The following ROR1 variants were observed in gnomAD, a reference collection of about 807,000 sequenced individuals.
ROR1 encodes inactive tyrosine-protein kinase transmembrane receptor ROR1.
ROR1 carries 19 observed loss-of-function variants against 78.8 expected under a neutral mutation model. The ratio of observed to expected loss-of-function variants is 0.24; its 90% confidence interval spans 0.17 to 0.35. The LOEUF (loss-of-function observed/expected upper bound fraction) is 0.35, where lower values mean the gene tolerates loss of function less well. ROR1 is among the 10% of genes least tolerant of loss of function. The pLI is 1.00. For missense variants in ROR1, 917 were observed against 1,177.8 expected (o/e 0.78, Z 3.24); for synonymous variants, 386 against 433.6 (o/e 0.89, Z 1.36).
intron 1 of ROR1, among the ~76,000 whole-genome samples, chr1:63,948,012 C>T (rs1052322234): frequency 2.6e-5 from 4 of 152,118 alleles, no homozygotes; most frequent in Non-Finnish European, 5.9e-5. Flanking sequence ...GTCAGTAACA[C>T]TGCATTGGGT....
intron 8 of ROR1, among the ~76,000 whole-genome samples, chr1:64,172,420 AT>A (rs35947372): frequency 2.0e-5 from 3 of 152,184 alleles, no homozygotes; most frequent in African/African-American, 7.2e-5. Flanking sequence ...ATTTTATATA[AT>A]TTTTTAAAGG....
chr1:64,115,612 G>GTATATA (rs143560709), intron 4 of ROR1, among the ~76,000 whole-genome samples: 18,446 of 148,574 alleles, frequency 0.12, 1,279 homozygotes, highest in Middle Eastern at 0.16. Flanking sequence ...ATATATATGT[G>GTATATA]TATATATATA....
intron 1 of ROR1, among the ~76,000 whole-genome samples, chr1:63,784,709 G>A (rs981694428): frequency 2.6e-5 from 4 of 152,166 alleles, no homozygotes; most frequent in African/African-American, 4.8e-5. Flanking sequence ...CTTTCCTCAC[G>A]TGTAAAATGG....
intron 1 of ROR1, among the ~76,000 whole-genome samples, chr1:63,802,625 G>A (rs1449676965): frequency 6.6e-6 from 1 of 152,118 alleles, no homozygotes; most frequent in Non-Finnish European, 1.5e-5. Context: ...CTCTCTTCTC[G>A]ATTGCCTCTT....
chr1:63,855,366 C>T (rs1216742330), intron 1 of ROR1, among the ~76,000 whole-genome samples: 1 of 152,084 alleles, frequency 6.6e-6, no homozygotes, highest in Non-Finnish European at 1.5e-5. Flanking sequence ...TTCTTGGAGG[C>T]AAGGGCAATT....
intron 1 of ROR1, among the ~76,000 whole-genome samples, chr1:63,922,486 C>T (rs986353134): frequency 3.9e-5 from 6 of 152,166 alleles, no homozygotes; most frequent in African/African-American, 1.2e-4. Flanking sequence ...AGGTAGATAG[C>T]ATGAGTTTAT....
At position 64,104,356 on chromosome 1, in the gene ROR1, C is replaced by A. The variant is rs114418423; in HGVS notation, c.483-33013C>A. Among the ~76,000 whole-genome samples, 1,505 of 152,122 alleles carry A rather than the reference C, an allele frequency of 9.9e-3. 20 individuals are homozygous for A. Among genetic ancestry groups the A allele is most frequent in the Non-Finnish European group, 0.016 (1,067 of 67,994 alleles). ...TATCATTATTATTTTTACTTAAAGC[C>A]ATGTGTGACAGGACTTTGCAAGGAG... On this transcript the variant is annotated intron_variant, in intron 4 of 8. Coordinates refer to ENST00000371079, the MANE Select transcript of ROR1 (RefSeq NM_005012.4).
At chr1:63,994,545 A>G (rs1330153089) in intron 1 of ROR1, among the ~76,000 whole-genome samples, 2 of 152,212 alleles carry the variant, frequency 1.3e-5, no homozygotes, top group Admixed American at 1.3e-4. Flanking sequence ...AGCAGGTCAG[A>G]AAAAATGCAG....
At chr1:63,820,103 A>G (rs1471955300) in intron 1 of ROR1, among the ~76,000 whole-genome samples, 1 of 152,244 alleles carries the variant, frequency 6.6e-6, no homozygotes, top group African/African-American at 2.4e-5. Context: ...ATTGTTCAGT[A>G]AAATGTCATT....
intron 4 of ROR1, among the ~76,000 whole-genome samples, chr1:64,122,902 G>C (rs928494907): frequency 1.3e-5 from 2 of 152,086 alleles, no homozygotes; most frequent in African/African-American, 2.4e-5. Flanking sequence ...CTGATGCTCC[G>C]GGTGAAGTTG....
chr1:64,083,886 G>T (rs528741059), intron 4 of ROR1, among the ~76,000 whole-genome samples: 1 of 152,310 alleles, frequency 6.6e-6, no homozygotes, highest in South Asian at 2.1e-4. Context: ...AATGGCTGGT[G>T]AGCATACTGT....
intron 1 of ROR1, among the ~76,000 whole-genome samples, chr1:63,968,788 C>A (rs192099702): frequency 6.6e-6 from 1 of 152,280 alleles, no homozygotes; most frequent in East Asian, 1.9e-4. Flanking sequence ...GAGAAGGTCA[C>A]CCTGTAAACT....
Position 63,774,613 on chromosome 1 carries a change from C to CAG in ROR1, c.91+105_91+106insAG. ...ACACGCAGGAAGCGCCGCGCTGGCT[C>CAG]CGGGGCGCGTCCGGCCACCCGCCAC... is the stretch of plus-strand genomic sequence containing the variant. On this transcript the variant is annotated intron_variant, in intron 1 of 8. Transcript: ENST00000371079. The surrounding 1 kb of genome is among the most constrained non-coding windows in gnomAD (Gnocchi z 5.7). The CAG allele has an allele frequency of 1.8e-6, 1 of 565,324 alleles. No homozygotes were observed. Among genetic ancestry groups the CAG allele is most frequent in the Non-Finnish European group, 2.3e-6 (1 of 441,396 alleles). The allele number at this position is 565,324 out of a possible 1,614,324, so 35.0% of individuals were successfully genotyped here.
chr1:64,011,657 A>AGACT (rs1349464367), intron 2 of ROR1, among the ~76,000 whole-genome samples: 1 of 152,190 alleles, frequency 6.6e-6, no homozygotes, highest in Non-Finnish European at 1.5e-5. Context: ...GGCAGGCCCC[A>AGACT]GACTCCTTTA....
At chr1:63,945,683 G>A (rs1039455938) in intron 1 of ROR1, among the ~76,000 whole-genome samples, 24 of 152,086 alleles carry the variant, frequency 1.6e-4, no homozygotes, top group African/African-American at 5.8e-4. Flanking sequence ...CCCTTAATTG[G>A]GTGACTTAGA....
At chr1:64,059,459 C>T (rs975446650) in intron 4 of ROR1, among the ~76,000 whole-genome samples, 7 of 151,968 alleles carry the variant, frequency 4.6e-5, no homozygotes, top group African/African-American at 1.7e-4. Context: ...GCCTATAATC[C>T]CAGCACTTTG....
chr1:63,948,099 G>C (rs1260416073), intron 1 of ROR1, among the ~76,000 whole-genome samples: 1 of 152,148 alleles, frequency 6.6e-6, no homozygotes, highest in Non-Finnish European at 1.5e-5. Context: ...CACACAGGTA[G>C]TAAGTTACTG....
At chr1:64,027,018 C>T (rs900291109) in intron 2 of ROR1, among the ~76,000 whole-genome samples, 3 of 152,226 alleles carry the variant, frequency 2.0e-5, no homozygotes, top group East Asian at 1.9e-4. Flanking sequence ...CTTATTGTTA[C>T]ATAGATGTGT....
intron 1 of ROR1, among the ~76,000 whole-genome samples, chr1:63,795,624 T>G (rs1644755708): frequency 6.6e-6 from 1 of 152,000 alleles, no homozygotes; most frequent in African/African-American, 2.4e-5. Context: ...TTGGAGTGAT[T>G]CTGAATGGTG....
Sources: gnomAD v4.1 joint callset for allele counts (sites outside exome capture counted in the v4.1 genomes callset) on GRCh38, gnomAD v4.1.1 for gene constraint, Gnocchi (gnomAD v3.1) non-coding constraint, MANE v1.5 for transcripts, NCBI Gene and HGNC (gene_info 2026-07-23, HGNC 2026-07-21) for gene names.